TOM1: variants seen among roughly 807,000 people sequenced by gnomAD.
The protein encoded by TOM1 is target of Myb protein 1.
In TOM1, 38 loss-of-function variants were observed where a neutral mutation model predicts 61.3. The observed-to-expected ratio is 0.62, with a 90% CI of 0.48 to 0.81. The LOEUF (loss-of-function observed/expected upper bound fraction) is 0.81. Ranked by LOEUF, TOM1 falls within the 40% of genes least tolerant of loss-of-function variation. The probability of loss-of-function intolerance (pLI) is 0.00; values close to 1 mark genes in which losing one functional copy is unlikely to be tolerated. For missense variants in TOM1, 591 were observed against 659.6 expected (o/e 0.90, Z 1.14); for synonymous variants, 270 against 268.8 (o/e 1.00, Z -0.04).
rs1928738061 is a variant in TOM1 at position 35,330,397 on chromosome 22, C to G, written c.816C>G (p.Ile272Met). Residue 272 changes from isoleucine to methionine, a missense_variant, in exon 8 of 15, where the codon ATC becomes ATG. Coordinates refer to ENST00000449058, the MANE Select transcript of TOM1 (RefSeq NM_005488.3). ...RAMQQRVLEL[I>M]PQIANEQLTE... Reference sequence around the variant, plus strand: ...TGCAGCAGCGGGTCCTGGAGCTCATCCCTCAGATCGCCAATGAGCAGCTGA... The same window carrying G: ...TGCAGCAGCGGGTCCTGGAGCTCATGCCTCAGATCGCCAATGAGCAGCTGA... 1.9e-6 allele frequency: 3 copies of G among 1,613,584 alleles called. No homozygotes were observed. The highest frequency in any genetic ancestry group is 1.3e-5 in the African/African-American group (1 of 75,008).
chr22:35,340,682 G>A (rs1929798492), intron 12 of TOM1, among the ~76,000 whole-genome samples: 1 of 152,148 alleles, frequency 6.6e-6, no homozygotes, highest in African/African-American at 2.4e-5. Context: ...AGGAGGTGGA[G>A]GTTGTGGTGA....
chr22:35,318,037 G>A, intron 2 of TOM1, 76 bp downstream of exon 2: 3 of 1,333,554 alleles, frequency 2.2e-6, no homozygotes, highest in Non-Finnish European at 3.2e-6. Flanking sequence ...ACCCTTCCAG[G>A]GAGCCCCTGC....
chr22:35,323,080 C>A lies in TOM1; in HGVS notation c.269C>A (p.Ala90Asp), dbSNP rs1237651479. ...NCGHRFHVLV[A>D]SQDFVESVLV... ...GGGCACCGCTTCCACGTGCTGGTGG[C>A]CAGCCAGGACTTCGTGGAGAGTGTG... Residue 90 changes from alanine to aspartate, a missense_variant, in exon 4 of 15, where the codon GCC (alanine) becomes GAC (aspartate). Ala to Asp is a moderately radical substitution (Grantham distance 126). Coordinates refer to ENST00000449058, the MANE Select transcript of TOM1 (RefSeq NM_005488.3). This position sits in a 1 kb window ranked among gnomAD's most constrained non-coding sequence, Gnocchi z 4.2. 1 of 1,614,146 alleles carries A rather than the reference C, an allele frequency of 6.2e-7. No homozygotes were observed. The highest frequency in any genetic ancestry group is 1.7e-5 in the Admixed American group (1 of 60,032).
At chr22:35,334,949 C>T (rs1055628712) in intron 11 of TOM1, among the ~76,000 whole-genome samples, 7 of 151,874 alleles carry the variant, frequency 4.6e-5, no homozygotes, top group Non-Finnish European at 1.0e-4. Context: ...CCATAGCCAC[C>T]GTTAATTTCC....
intron 9 of TOM1, 167 bp from the exon 10 acceptor site, chr22:35,333,237 T>C (rs1446551395): frequency 2.8e-5 from 22 of 791,680 alleles, no homozygotes; most frequent in South Asian, 2.7e-4. Flanking sequence ...GGGAGTCCAG[T>C]TGAGCTGGAG....
intron 2 of TOM1, among the ~76,000 whole-genome samples, chr22:35,319,066 C>T (rs999649789): frequency 3.9e-5 from 6 of 152,134 alleles, no homozygotes; most frequent in Non-Finnish European, 5.9e-5. Flanking sequence ...AGCCCTGCTC[C>T]CTGATCTTGC....
intron 1 of TOM1, among the ~76,000 whole-genome samples, chr22:35,306,993 A>G (rs1926380303): frequency 6.6e-6 from 1 of 152,130 alleles, no homozygotes; most frequent in Non-Finnish European, 1.5e-5. Context: ...GCTCAAAGAA[A>G]TAAGAGTATA....
chr22:35,302,095 ATACT>A (rs1925854691), intron 1 of TOM1, among the ~76,000 whole-genome samples: 1 of 152,218 alleles, frequency 6.6e-6, no homozygotes, highest in Non-Finnish European at 1.5e-5. Flanking sequence ...TGGGCAAGAA[ATACT>A]TCTGTGCAAA....
chr22:35,300,083 A>G, intron 1 of TOM1, 103 bp downstream of exon 1: 1 of 1,359,444 alleles, frequency 7.4e-7, no homozygotes, highest in East Asian at 2.5e-5. Context: ...AGGGAGGGCA[A>G]GGAGGCTGGC....
At chr22:35,300,210 A>G (rs1925615392) in intron 1 of TOM1, among the ~76,000 whole-genome samples, 2 of 152,226 alleles carry the variant, frequency 1.3e-5, no homozygotes, top group African/African-American at 4.8e-5. Flanking sequence ...GTAGGTAAGG[A>G]GAGAGGGTGG....
intron 6 of TOM1, among the ~76,000 whole-genome samples, chr22:35,326,196 A>G (rs1928290342): frequency 6.6e-6 from 1 of 152,242 alleles, no homozygotes. Context: ...ATATAGTGAC[A>G]CTCTGAAATC....
intron 11 of TOM1, among the ~76,000 whole-genome samples, chr22:35,337,773 T>G (rs1178992046): frequency 6.6e-6 from 1 of 152,228 alleles, no homozygotes; most frequent in East Asian, 1.9e-4. Context: ...GGCCTTTCCC[T>G]TTGTGACCAG....
chr22:35,299,878 G>A (rs775424511), upstream of TOM1: 1 of 1,557,388 alleles, frequency 6.4e-7, no homozygotes, highest in Non-Finnish European at 8.7e-7. Flanking sequence ...GGTGGCGCTG[G>A]CGGTTGCTGT....
intron 1 of TOM1, among the ~76,000 whole-genome samples, chr22:35,310,492 T>C (rs1926729883): frequency 1.3e-5 from 2 of 152,160 alleles, no homozygotes; most frequent in Admixed American, 1.3e-4. Flanking sequence ...AGTTGGAGGT[T>C]GCAGTGAGCC....
At chr22:35,301,412 T>C (rs1051495586) in intron 1 of TOM1, among the ~76,000 whole-genome samples, 2 of 152,184 alleles carry the variant, frequency 1.3e-5, no homozygotes, top group South Asian at 2.1e-4. Context: ...TCATAGGTGC[T>C]CATTCTTGGG....
chr22:35,315,613 G>T (rs1048269524), intron 1 of TOM1, among the ~76,000 whole-genome samples: 1 of 152,164 alleles, frequency 6.6e-6, no homozygotes, highest in Non-Finnish European at 1.5e-5. Context: ...CTGATCTAGG[G>T]GTAAAGCAAC....
intron 12 of TOM1, 171 bp from the exon 13 acceptor site, chr22:35,345,554 C>A: frequency 6.1e-6 from 4 of 656,638 alleles, no homozygotes; most frequent in Non-Finnish European, 8.2e-6. Context: ...TGGCTCTGCA[C>A]CTCCATCACC....
At chr22:35,300,363 C>T (rs1047869820) in intron 1 of TOM1, among the ~76,000 whole-genome samples, 7 of 152,234 alleles carry the variant, frequency 4.6e-5, no homozygotes, top group African/African-American at 1.7e-4. Context: ...TGGCCAGCTC[C>T]TTCCTGGCTC....
Position 35,330,460 on chromosome 22 carries a change from T to C in TOM1, c.879T>C (p.Asn293=), listed in dbSNP as rs1473257056. The change falls in exon 8 of 15, where the codon AAT becomes AAC. Residue 293 remains asparagine (N), a synonymous_variant. Transcript: ENST00000449058. The stretch of plus-strand genomic sequence containing the variant: ...TCATCGTCAATGACAATCTCAACAA[T>C]GTGTTCCTGCGCCATGAACGGTAGC... ...ELLIVNDNLN[N]VFLRHERFER... 14 of 1,612,472 alleles carry C rather than the reference T, an allele frequency of 8.7e-6. No individual in the cohort carries two copies. Among genetic ancestry groups the C allele is most frequent in the Middle Eastern group, 1.6e-4 (1 of 6,080 alleles).
Sources: gnomAD v4.1 joint callset for allele counts (sites outside exome capture counted in the v4.1 genomes callset) on GRCh38, gnomAD v4.1.1 for gene constraint, Gnocchi (gnomAD v3.1) non-coding constraint, MANE v1.5 for transcripts, NCBI Gene and HGNC (gene_info 2026-07-23, HGNC 2026-07-21) for gene names.